Variants in EFHC2 observed in about 807,000 individuals in gnomAD.
EFHC2 encodes the protein EF-hand domain-containing family member C2.
In EFHC2, 18 loss-of-function variants were observed where a neutral mutation model predicts 52.7. The observed-to-expected ratio is 0.34, with a 90% CI of 0.24 to 0.51. The LOEUF (loss-of-function observed/expected upper bound fraction) is 0.51, where lower values mean the gene tolerates loss of function less well. EFHC2 is among the 20% of genes least tolerant of loss of function. The pLI, the probability that EFHC2 is intolerant of heterozygous loss-of-function variation, is 0.97. For missense variants in EFHC2, 513 were observed against 562.5 expected, an observed-to-expected ratio of 0.91 and a Z score of 0.89; for synonymous variants, 203 against 204.1, an observed-to-expected ratio of 0.99 and a Z score of 0.04.
intron 2 of EFHC2, chrX:44,309,429 C>T (rs2037928808): frequency 1.3e-5 from 14 of 1,067,304 alleles, no homozygotes; most frequent in Admixed American, 1.1e-4. Context: ...AAATATTCTC[C>T]GTAAAGTCAA....
At position 44,248,790 on chromosome X, in the gene EFHC2, T is replaced by G; in HGVS notation, c.972+13A>C. The stretch of plus-strand genomic sequence containing the variant: ...CACACTAGAAACAGGTAATAAAATA[T>G]GAGGTTCCTTCCCTTATATCTATCG... On this transcript the variant is annotated intron_variant, in intron 6 of 14. Coordinates refer to ENST00000420999, the MANE Select transcript of EFHC2 (RefSeq NM_025184.4). 62 of 1,180,321 alleles carry G rather than the reference T, an allele frequency of 5.3e-5. No individual in the cohort carries two copies. The highest frequency in any genetic ancestry group is 6.6e-5 in the Non-Finnish European group (57 of 868,923).
intron 2 of EFHC2, among the ~76,000 whole-genome samples, chrX:44,294,214 A>G (rs1385638613): frequency 1.8e-5 from 2 of 108,129 alleles, no homozygotes; most frequent in African/African-American, 6.7e-5. Flanking sequence ...GCATCATGTC[A>G]GCACTCAAAA....
At chrX:44,250,135 AAC>A in intron 5 of EFHC2, 57 bp downstream of exon 5, 1 of 1,163,389 alleles carries the variant, frequency 8.6e-7, no homozygotes, top group Non-Finnish European at 1.2e-6. Context: ...CAACATTCCA[AAC>A]AGTGACTAGT....
intron 2 of EFHC2, among the ~76,000 whole-genome samples, chrX:44,291,101 T>C (rs1192232809): frequency 1.8e-5 from 2 of 112,117 alleles, no homozygotes; most frequent in African/African-American, 6.5e-5. Context: ...AGCATGAATT[T>C]AGTTTCTCCA....
At chrX:44,189,391 A>G (rs2036902937) in intron 11 of EFHC2, among the ~76,000 whole-genome samples, 1 of 112,388 alleles carries the variant, frequency 8.9e-6, no homozygotes, top group Admixed American at 9.4e-5. Flanking sequence ...GGTGGAGCCA[A>G]GAATTGAACC....
In EFHC2 at chrX:44,232,955, G is replaced by A. The variant is rs183993111; in HGVS notation, c.1424-278C>T. 3.0e-3 allele frequency among the ~76,000 whole-genome samples: 329 copies of A among 111,462 alleles called. 2 individuals carry two copies. Among genetic ancestry groups the A allele is most frequent in the South Asian group, 6.4e-3 (17 of 2,654 alleles). On this transcript the variant is annotated intron_variant, in intron 9 of 14. Coordinates refer to ENST00000420999, the MANE Select transcript of EFHC2 (RefSeq NM_025184.4). ...AGGCTGAGGCACGAGGATCACTTGA[G>A]GCCAGCAGTACAAGACCAGCCTGAG...
At chrX:44,298,777 C>A (rs2037846180) in intron 2 of EFHC2, among the ~76,000 whole-genome samples, 1 of 99,477 alleles carries the variant, frequency 1.0e-5, no homozygotes, top group Non-Finnish European at 2.0e-5. Context: ...AGGAGAATTG[C>A]ATGAACCCAG....
At chrX:44,316,475 A>G (rs1231088785) in intron 1 of EFHC2, among the ~76,000 whole-genome samples, 1 of 112,297 alleles carries the variant, frequency 8.9e-6, no homozygotes, top group Non-Finnish European at 1.9e-5. Flanking sequence ...CACCAAAAGC[A>G]CAAGCAACAA....
intron 11 of EFHC2, among the ~76,000 whole-genome samples, chrX:44,215,439 A>G (rs1300127342): frequency 2.8e-5 from 3 of 108,486 alleles, no homozygotes; most frequent in Non-Finnish European, 5.7e-5. Context: ...CAAAAAAATG[A>G]TAGTTTCTTA....
chrX:44,285,716 C>A, intron 2 of EFHC2: 1 of 158,266 alleles, frequency 6.3e-6, no homozygotes, highest in Admixed American at 5.6e-5. Flanking sequence ...CTTACGACAC[C>A]CCAAGGCTGT....
chrX:44,236,926 A>C (rs183914368), intron 8 of EFHC2, among the ~76,000 whole-genome samples: 1 of 112,139 alleles, frequency 8.9e-6, no homozygotes, highest in African/African-American at 3.2e-5. Flanking sequence ...GTCTAACTTC[A>C]GGAAAAGGAA....
Position 44,331,583 on chromosome X carries a change from A to G in EFHC2, c.42+11964T>C, listed in dbSNP as rs754850637. Among the ~76,000 whole-genome samples the G allele has an allele frequency of 5.3e-4, 59 of 112,127 alleles. No individual in the cohort carries two copies. The East Asian group carries it at 8.4e-3, about 16-fold the overall frequency. On this transcript the variant is annotated intron_variant, in intron 1 of 14. Transcript: ENST00000420999. ...GAAATCTGAATAAGATCAGTGGAGT[A>G]TATCAATGTCAAGATACTGATTGTG...
chrX:44,177,552 C>CA (rs142749844), intron 12 of EFHC2, among the ~76,000 whole-genome samples: 10,754 of 109,365 alleles, frequency 0.098, 578 homozygotes, highest in Non-Finnish European at 0.15. Context: ...AAGATGAATG[C>CA]AAAAAAAACA....
chrX:44,159,214 A>G (rs769119222), intron 14 of EFHC2, among the ~76,000 whole-genome samples: 2 of 111,800 alleles, frequency 1.8e-5, no homozygotes, highest in Admixed American at 1.9e-4. Context: ...CACTCCCAAA[A>G]AAACATCCTG....
chrX:44,315,513 A>G (rs985259608), intron 1 of EFHC2, among the ~76,000 whole-genome samples: 9 of 111,086 alleles, frequency 8.1e-5, no homozygotes, highest in Non-Finnish European at 1.5e-4. Context: ...CATTTTTCCA[A>G]TGAGGAAACC....
chrX:44,222,066 C>A (rs1005918501), intron 11 of EFHC2, among the ~76,000 whole-genome samples: 1 of 111,520 alleles, frequency 9.0e-6, no homozygotes, highest in Non-Finnish European at 1.9e-5. Context: ...GTCTTCAGTT[C>A]TATTTTGAAC....
chrX:44,214,976 G>A (rs2037132656), intron 11 of EFHC2, among the ~76,000 whole-genome samples: 1 of 111,382 alleles, frequency 9.0e-6, no homozygotes, highest in African/African-American at 3.3e-5. Context: ...CCCAGTGTTG[G>A]GAGAGGGAAC....
chrX:44,272,260 T>G (rs2037623204), intron 3 of EFHC2, among the ~76,000 whole-genome samples: 1 of 111,440 alleles, frequency 9.0e-6, no homozygotes, highest in Admixed American at 9.5e-5. Context: ...GAGGGGGTGG[T>G]TGAAACAAAT....
At chrX:44,289,857 A>AT (rs1403978901) in intron 2 of EFHC2, among the ~76,000 whole-genome samples, 24 of 107,631 alleles carry the variant, frequency 2.2e-4, no homozygotes, top group Admixed American at 9.9e-4. Context: ...AATTTTTTGT[A>AT]TTTTTTGTAG....
Sources: gnomAD v4.1 joint callset for allele counts (sites outside exome capture counted in the v4.1 genomes callset) on GRCh38, gnomAD v4.1.1 for gene constraint, MANE v1.5 for transcripts, NCBI Gene and HGNC (gene_info 2026-07-23, HGNC 2026-07-21) for gene names.